Variants in ILRUN observed in about 807,000 individuals in gnomAD.
ILRUN encodes inflammation and lipid regulator with UBA-like and NBR1-like domains, also known as protein ILRUN.
ILRUN carries 3 observed loss-of-function variants against 33.8 expected under a neutral mutation model. The observed-to-expected ratio is 0.09, with a 90% CI of 0.04 to 0.23. The LOEUF (loss-of-function observed/expected upper bound fraction) is 0.23. Ranked by LOEUF, ILRUN falls within the 10% of genes least tolerant of loss-of-function variation. ILRUN has a pLI of 1.00. For synonymous variants in ILRUN, 124 were observed against 138.9 expected (o/e 0.89, Z 0.75); for missense variants, 210 against 375.1 (o/e 0.56, Z 3.64).
chr6:34,620,807 T>C (rs1004856169), intron 3 of ILRUN, among the ~76,000 whole-genome samples: 1 of 152,194 alleles, frequency 6.6e-6, no homozygotes, highest in African/African-American at 2.4e-5. Flanking sequence ...CCAGCCTGGA[T>C]GATAAAGTGA....
At chr6:34,600,915 G>A (rs1286951483) in intron 4 of ILRUN, among the ~76,000 whole-genome samples, 1 of 152,194 alleles carries the variant, frequency 6.6e-6, no homozygotes, top group Non-Finnish European at 1.5e-5. Flanking sequence ...ATGCTTAGAA[G>A]TCAAAAATAA....
chr6:34,647,252 C>T (rs976892257), intron 2 of ILRUN, among the ~76,000 whole-genome samples: 15 of 152,156 alleles, frequency 9.9e-5, no homozygotes, highest in African/African-American at 3.6e-4. Flanking sequence ...ATGAAACACA[C>T]AAGGAGTAAT....
At chr6:34,598,292 C>T (rs1761442946) in intron 4 of ILRUN, among the ~76,000 whole-genome samples, 1 of 152,216 alleles carries the variant, frequency 6.6e-6, no homozygotes. Flanking sequence ...TCTAAGGAAG[C>T]TCCCATTTAT....
intron 3 of ILRUN, among the ~76,000 whole-genome samples, chr6:34,614,443 A>AAAAAAAAAAAT (rs71000073): frequency 1.9e-4 from 26 of 133,578 alleles, no homozygotes; most frequent in Non-Finnish European, 3.7e-4. Context: ...AAAAAAAAAA[A>AAAAAAAAAAAT]ATATATATAT....
intron 3 of ILRUN, among the ~76,000 whole-genome samples, chr6:34,642,746 T>C (rs562890408): frequency 1.8e-4 from 26 of 141,742 alleles, no homozygotes; most frequent in Middle Eastern, 4.2e-3. Flanking sequence ...CCCAACACTT[T>C]AGGAGGCTGA....
chr6:34,599,042 C>T (rs917833773), intron 4 of ILRUN, among the ~76,000 whole-genome samples: 11 of 152,194 alleles, frequency 7.2e-5, no homozygotes, highest in African/African-American at 2.2e-4. Flanking sequence ...GAGGTCTCTA[C>T]GACCTGACAC....
At chr6:34,631,393 T>A (rs982874373) in intron 3 of ILRUN, among the ~76,000 whole-genome samples, 2 of 151,904 alleles carry the variant, frequency 1.3e-5, no homozygotes, top group Non-Finnish European at 2.9e-5. Context: ...AGTGGCGCGA[T>A]CTCGGCTCAC....
chr6:34,612,948 C>G (rs1374547795), intron 3 of ILRUN, among the ~76,000 whole-genome samples: 1 of 151,910 alleles, frequency 6.6e-6, no homozygotes, highest in African/African-American at 2.4e-5. Context: ...GAGGCTGAGG[C>G]AGGAGAATGG....
chr6:34,686,977 A>C (rs1682054425), intron 1 of ILRUN: 2 of 188,004 alleles, frequency 1.1e-5, no homozygotes, highest in African/African-American at 4.9e-5. Context: ...TTAAAACTAT[A>C]AAGAAGATTG....
intron 1 of ILRUN, among the ~76,000 whole-genome samples, chr6:34,678,441 T>C (rs1310397768): frequency 6.6e-6 from 1 of 152,192 alleles, no homozygotes; most frequent in African/African-American, 2.4e-5. Flanking sequence ...GGGTTTGGTA[T>C]ACAAATGATT....
rs184573945 is a variant in ILRUN, at chr6:34,676,947, T to A, written c.158+19499A>T. On this transcript the variant is annotated intron_variant, in intron 1 of 4. Transcript: ENST00000374023. ...AAAGGGCATACCTTGACCTGCCAAT[T>A]CCGCTTCTCGGAATTTGCCCCAAAT... 6.5e-3 allele frequency among the ~76,000 whole-genome samples: 983 copies of A among 150,834 alleles called. 8 individuals are homozygous for A. The highest frequency in any genetic ancestry group is 9.7e-3 in the Non-Finnish European group (659 of 67,806).
chr6:34,595,713 T>C lies in ILRUN; in HGVS notation c.862-5113A>G, dbSNP rs543753257. ...ATTACCACAACACAGGACTTTCACA[T>C]ACCTGTCTTTATTTTGCTTTTATTT... On this transcript the variant is annotated intron_variant, in intron 4 of 4. Coordinates refer to ENST00000374023, the MANE Select transcript of ILRUN (RefSeq NM_024294.4). The C allele has an allele frequency of 4.1e-6, 4 of 967,574 alleles. No individual in the cohort carries two copies. The East Asian group carries it at 3.4e-4, about 83-fold the overall frequency. 59.9% of individuals were successfully genotyped at this position (967,574 alleles called of 1,614,324 possible). A position where few individuals can be genotyped will look rare whatever the true frequency, so the allele number is the denominator to read the frequency against.
In ILRUN at chr6:34,592,073, C is replaced by T. The variant is rs1761305541; in HGVS notation, c.862-1473G>A. 6.6e-6 allele frequency among the ~76,000 whole-genome samples: 1 copy of T among 152,206 alleles called. No homozygotes were observed. The highest frequency in any genetic ancestry group is 2.4e-5 in the African/African-American group (1 of 41,456). ...GCTGGACCATGACGTGTGCTTCCTC[C>T]CCAATCCCTGCTTTTTGTTTTTCCA... is the stretch of plus-strand genomic sequence containing the variant. On this transcript the variant is annotated intron_variant, in intron 4 of 4. Coordinates refer to ENST00000374023, the MANE Select transcript of ILRUN (RefSeq NM_024294.4). This position sits in a 1 kb window ranked among gnomAD's most constrained non-coding sequence, Gnocchi z 4.0.
chr6:34,598,168 C>A (rs77194749), intron 4 of ILRUN, among the ~76,000 whole-genome samples: 3,280 of 152,226 alleles, frequency 0.022, 124 homozygotes, highest in African/African-American at 0.072. Context: ...TGACTGTATA[C>A]TATCAGTCAA....
rs1021623262 is a variant in ILRUN at position 34,646,074 on chromosome 6, T to C, written c.511+527A>G. ...AAACAGGGTAGTCCCTGATTAACTT[T>C]CATTGGAGTGGGGAGTGGATAAAGG... On this transcript the variant is annotated intron_variant, in intron 3 of 4. Transcript: ENST00000374023. The surrounding 1 kb of genome is among the most constrained non-coding windows in gnomAD (Gnocchi z 4.9). Among the ~76,000 whole-genome samples the C allele has an allele frequency of 4.6e-5, 7 of 152,304 alleles. No individual in the cohort carries two copies. The highest frequency in any genetic ancestry group is 1.2e-4 in the African/African-American group (5 of 41,556).
chr6:34,677,306 C>T (rs1310772366), intron 1 of ILRUN, among the ~76,000 whole-genome samples: 1 of 146,602 alleles, frequency 6.8e-6, no homozygotes, highest in African/African-American at 2.5e-5. Context: ...GACTCTGTCT[C>T]AAAGGAAAAA....
intron 4 of ILRUN, among the ~76,000 whole-genome samples, chr6:34,593,956 T>C (rs1033339941): frequency 6.6e-6 from 1 of 152,178 alleles, no homozygotes; most frequent in African/African-American, 2.4e-5. Context: ...CGGTACCTTC[T>C]GGATGGAGGT....
intron 2 of ILRUN, among the ~76,000 whole-genome samples, chr6:34,651,666 G>C (rs369042200): frequency 6.7e-6 from 1 of 149,180 alleles, no homozygotes; most frequent in East Asian, 2.0e-4. Context: ...ACAAGGTACT[G>C]ACTTCACTTT....
intron 2 of ILRUN, among the ~76,000 whole-genome samples, chr6:34,651,658 A>G (rs946204881): frequency 6.6e-6 from 1 of 151,924 alleles, no homozygotes; most frequent in Non-Finnish European, 1.5e-5. Flanking sequence ...TTAAGTAAAC[A>G]AGGTACTGAC....
Sources: allele counts gnomAD v4.1 joint callset (sites outside exome capture counted in the v4.1 genomes callset), GRCh38; gene constraint gnomAD v4.1.1; non-coding constraint Gnocchi (gnomAD v3.1); transcripts MANE v1.5; gene names NCBI Gene and HGNC (gene_info 2026-07-23, HGNC 2026-07-21).